Variants in FBXO34 observed in about 807,000 individuals in gnomAD.
FBXO34 encodes F-box protein 34.
In FBXO34, 12 loss-of-function variants were observed where a neutral mutation model predicts 24.5. The observed-to-expected ratio is 0.49, with a 90% confidence interval of 0.31 to 0.79. The LOEUF is 0.79. Ranked by LOEUF, FBXO34 falls within the 30% of genes least tolerant of loss-of-function variation. FBXO34 has a pLI of 0.04. For synonymous variants in FBXO34, 320 were observed against 311.9 expected, an observed-to-expected ratio of 1.03 and a Z score of -0.27; for missense variants, 823 against 857.7, an observed-to-expected ratio of 0.96 and a Z score of 0.51.
intron 3 of FBXO34, among the ~76,000 whole-genome samples, chr14:55,360,168 G>C (rs1203924327): frequency 6.6e-6 from 1 of 152,100 alleles, no homozygotes; most frequent in African/African-American, 2.4e-5. Flanking sequence ...CACCTCCTGG[G>C]TTCAAGAGAT....
chr14:55,438,126 G>T, the FBXO34 span, among the ~76,000 whole-genome samples: 2 of 152,164 alleles, frequency 1.3e-5, no homozygotes, highest in Admixed American at 1.3e-4. Context: ...AGCACTGCTT[G>T]CAGGAGAAAC....
At chr14:55,404,051 C>A in the FBXO34 span, among the ~76,000 whole-genome samples, 8 of 152,222 alleles carry the variant, frequency 5.3e-5, no homozygotes, top group South Asian at 1.4e-3. Flanking sequence ...GGAGGAGACC[C>A]ATGGAACTGA....
chr14:55,295,306 C>T (rs866581984), intron 1 of FBXO34, among the ~76,000 whole-genome samples: 4 of 151,566 alleles, frequency 2.6e-5, no homozygotes, highest in African/African-American at 4.8e-5. Flanking sequence ...TATTTATTAA[C>T]GTGGACTAGG....
intron 1 of FBXO34, among the ~76,000 whole-genome samples, chr14:55,344,514 C>T (rs776209143): frequency 5.3e-5 from 8 of 151,250 alleles, no homozygotes; most frequent in African/African-American, 2.0e-4. Context: ...CTTGTAGGCA[C>T]TCAAGCCCAA....
the FBXO34 span, among the ~76,000 whole-genome samples, chr14:55,417,164 A>G: frequency 1.3e-5 from 2 of 152,226 alleles, no homozygotes; most frequent in Non-Finnish European, 2.9e-5. Flanking sequence ...TCATAAAGGC[A>G]TAAGAAACAG....
At chr14:55,282,162 A>G (rs932071615) in intron 1 of FBXO34, 1 of 199,644 alleles carries the variant, frequency 5.0e-6, no homozygotes, top group Non-Finnish European at 1.1e-5. Flanking sequence ...ATGCCTGGCT[A>G]ATTTTCTGTA....
Position 55,361,225 on chromosome 14 carries a change from A to G in FBXO34, c.*589-508A>G, listed in dbSNP as rs550808748. On this transcript the variant is annotated intron_variant and NMD_transcript_variant, in intron 3 of 3. Coordinates refer to the FBXO34 transcript ENST00000555280. ...TATTGGCTGCAGAATGGATGTTGTTATCGTGCATGAAAACATTAATCTCCT... is the reference window on the plus strand; with the variant it reads ...TATTGGCTGCAGAATGGATGTTGTTGTCGTGCATGAAAACATTAATCTCCT... Among the ~76,000 whole-genome samples, 3 of 152,366 alleles carry G rather than the reference A, an allele frequency of 2.0e-5. No homozygotes were observed. In the South Asian group the frequency reaches 6.2e-4, roughly 32 times the overall value.
intron 1 of FBXO34, among the ~76,000 whole-genome samples, chr14:55,302,325 G>C (rs1882385348): frequency 6.6e-6 from 1 of 152,078 alleles, no homozygotes; most frequent in South Asian, 2.1e-4. Flanking sequence ...TTTGGACCTG[G>C]GATAATTGTC....
the FBXO34 span, among the ~76,000 whole-genome samples, chr14:55,401,835 C>T: frequency 1.3e-5 from 2 of 152,252 alleles, no homozygotes; most frequent in African/African-American, 4.8e-5. Flanking sequence ...AAGCTGAGAC[C>T]TGAGGGTGAG....
At chr14:55,390,880 A>G in the FBXO34 span, 1 of 1,459,460 alleles carries the variant, frequency 6.9e-7, no homozygotes, top group African/African-American at 1.4e-5. Flanking sequence ...GGCACTTTCT[A>G]GGGCTGGAAG....
rs11846335 is a variant in FBXO34 at position 55,311,319 on chromosome 14, C to T, written c.-10-39062C>T. On this transcript the variant is annotated intron_variant, in intron 1 of 1. Coordinates refer to ENST00000313833, the MANE Select transcript of FBXO34 (RefSeq NM_017943.4). The stretch of plus-strand genomic sequence containing the variant: ...CCCATGATTGTTACTTCCACCTGCT[C>T]TCTCCCTTGACATGTGGGGATTATG... Among the ~76,000 whole-genome samples, 363 of 152,308 alleles carry T rather than the reference C, an allele frequency of 2.4e-3. 1 individual carries two copies. The highest frequency in any genetic ancestry group is 8.5e-3 in the African/African-American group (353 of 41,558).
At chr14:55,438,336 A>T in the FBXO34 span, among the ~76,000 whole-genome samples, 1 of 152,182 alleles carries the variant, frequency 6.6e-6, no homozygotes, top group African/African-American at 2.4e-5. Context: ...AAATCAAGCT[A>T]TTCTCTTGAA....
chr14:55,348,886 C>T (rs999465582), intron 1 of FBXO34, among the ~76,000 whole-genome samples: 1 of 152,042 alleles, frequency 6.6e-6, no homozygotes, highest in Non-Finnish European at 1.5e-5. Context: ...CAGAGGCTGC[C>T]ATATGGCAGG....
chr14:55,385,691 C>A, the FBXO34 span, among the ~76,000 whole-genome samples: 1 of 152,252 alleles, frequency 6.6e-6, no homozygotes, highest in Non-Finnish European at 1.5e-5. Context: ...CGCTGCCTCC[C>A]CAGCTTTCTG....
intron 3 of FBXO34, among the ~76,000 whole-genome samples, chr14:55,360,719 C>T (rs535779154): frequency 3.3e-5 from 5 of 152,040 alleles, no homozygotes; most frequent in East Asian, 3.9e-4. Context: ...ATATTTTGGC[C>T]GGGCATGGTG....
At chr14:55,337,703 G>A (rs1014573322) in intron 1 of FBXO34, among the ~76,000 whole-genome samples, 1 of 152,218 alleles carries the variant, frequency 6.6e-6, no homozygotes, top group Admixed American at 6.5e-5. Flanking sequence ...GACACTTAGA[G>A]GGAAGTTAAA....
chr14:55,278,887 A>G (rs1881434321), intron 1 of FBXO34, among the ~76,000 whole-genome samples: 1 of 152,142 alleles, frequency 6.6e-6, no homozygotes, highest in East Asian at 1.9e-4. Flanking sequence ...AGGTCTCGCC[A>G]TGTTGCCCAG....
chr14:55,365,487 GC>G (rs1463647435), downstream of FBXO34, among the ~76,000 whole-genome samples: 1 of 152,124 alleles, frequency 6.6e-6, no homozygotes, highest in African/African-American at 2.4e-5. Context: ...CAGATGGCTT[GC>G]CCAAGAGTCC....
Position 55,302,148 on chromosome 14 carries a change from C to CT in FBXO34, c.-11+30611_-11+30612insT, listed in dbSNP as rs201201367. On this transcript the variant is annotated intron_variant, in intron 1 of 1. Transcript: ENST00000313833. ...TTGAGAACAAAAATAAAGCAGCAGT[C>CT]CTGGCTCCTTAAGTGATAGTTTCTT... is the stretch of plus-strand genomic sequence containing the variant. 1.1e-3 allele frequency among the ~76,000 whole-genome samples: 165 copies of CT among 152,334 alleles called. 1 individual carries two copies. The highest frequency in any genetic ancestry group is 5.4e-4 in the Non-Finnish European group (37 of 68,028).
Sources: allele counts gnomAD v4.1 joint callset (sites outside exome capture counted in the v4.1 genomes callset), GRCh38; gene constraint gnomAD v4.1.1; transcripts MANE v1.5; gene names NCBI Gene and HGNC (gene_info 2026-07-23, HGNC 2026-07-21).